BNC2: variants seen among roughly 807,000 people sequenced by gnomAD.
The protein encoded by BNC2 is zinc finger protein basonuclin-2.
In BNC2, 20 loss-of-function variants were observed where a neutral mutation model predicts 76.3. The observed-to-expected ratio is 0.26, with a 90% CI of 0.18 to 0.38. The LOEUF (loss-of-function observed/expected upper bound fraction) is 0.38, where lower values mean the gene tolerates loss of function less well. Among genes scored for constraint, BNC2 ranks in the 10% least tolerant of loss-of-function variants. BNC2 has a pLI of 1.00. For missense variants in BNC2, 1,382 were observed against 1,399.8 expected, an observed-to-expected ratio of 0.99 and a Z score of 0.20; for synonymous variants, 582 against 514.8, an observed-to-expected ratio of 1.13 and a Z score of -1.77.
intron 2 of BNC2, among the ~76,000 whole-genome samples, chr9:16,734,450 T>TCA (rs1229028045): frequency 1.3e-5 from 2 of 151,400 alleles, no homozygotes; most frequent in South Asian, 2.1e-4. Context: ...CACTGGCCCC[T>TCA]CTCATTATAA....
intron 5 of BNC2, chr9:16,473,156 A>G (rs1276585806): frequency 6.6e-6 from 1 of 152,284 alleles, no homozygotes; most frequent in Non-Finnish European, 1.5e-5. Flanking sequence ...CACTTGTCAC[A>G]GTGGAACCTT....
rs541979829 is a variant in BNC2 at position 16,679,086 on chromosome 9, G to A, written c.330+48711C>T. Among the ~76,000 whole-genome samples the A allele has an allele frequency of 4.6e-5, 7 of 152,172 alleles. No homozygotes were observed. The East Asian group carries it at 5.8e-4, about 13-fold the overall frequency. ...CCAAGCTGCACTATGTACACAGAGC[G>A]AGGGCACCTAATATTGCAATCACAG... is the stretch of plus-strand genomic sequence containing the variant. On this transcript the variant is annotated intron_variant, in intron 3 of 6. Coordinates refer to ENST00000380672, the MANE Select transcript of BNC2 (RefSeq NM_017637.6).
intron 3 of BNC2, among the ~76,000 whole-genome samples, chr9:16,662,370 T>A (rs1822133904): frequency 6.6e-6 from 1 of 152,186 alleles, no homozygotes. Flanking sequence ...CTAGGAGTCA[T>A]ACCTTAAAAT....
intron 4 of BNC2, among the ~76,000 whole-genome samples, chr9:16,562,416 C>A (rs923969807): frequency 1.3e-5 from 2 of 152,144 alleles, no homozygotes; most frequent in African/African-American, 4.8e-5. Flanking sequence ...TTTCCTGTCC[C>A]TACAAAATTT....
intron 3 of BNC2, among the ~76,000 whole-genome samples, chr9:16,605,781 A>ATTT (rs1169284673): frequency 1.5e-5 from 2 of 135,524 alleles, no homozygotes; most frequent in African/African-American, 6.0e-5. Context: ...CCTTTCAAGA[A>ATTT]TTCTTTTTTT....
At chr9:16,829,834 A>G (rs1317190520) in intron 1 of BNC2, among the ~76,000 whole-genome samples, 1 of 152,236 alleles carries the variant, frequency 6.6e-6, no homozygotes, top group Non-Finnish European at 1.5e-5. Context: ...AGAAAAATAA[A>G]TAGGAAGTTT....
chr9:16,475,314 G>A (rs1006156012), intron 5 of BNC2, among the ~76,000 whole-genome samples: 4 of 151,980 alleles, frequency 2.6e-5, no homozygotes, highest in South Asian at 2.1e-4. Flanking sequence ...CCCTAAACAT[G>A]GCTATGTTTT....
intron 3 of BNC2, among the ~76,000 whole-genome samples, chr9:16,639,536 A>G (rs974097095): frequency 6.6e-6 from 1 of 152,106 alleles, no homozygotes; most frequent in East Asian, 1.9e-4. Flanking sequence ...GTTAATTCTC[A>G]TATCAAATTT....
In BNC2 at chr9:16,416,008, A is replaced by G. The variant is rs560669681; in HGVS notation, c.*2981T>C. The G allele has an allele frequency of 1.3e-5, 2 of 152,258 alleles. No individual in the cohort carries two copies. Among genetic ancestry groups the G allele is most frequent in the South Asian group, 4.1e-4 (2 of 4,820 alleles). The allele number at this position is 152,258 out of a possible 1,614,324, so 9.4% of individuals were successfully genotyped here. The stretch of plus-strand genomic sequence containing the variant: ...ACTTCTAGAATCTCATTACTTCTGG[A>G]CTTTTTCTAACTGGCTATACACATT... On this transcript the variant is annotated 3_prime_UTR_variant, in exon 7 of 7. Transcript: ENST00000380672.
intron 1 of BNC2, among the ~76,000 whole-genome samples, chr9:16,862,177 A>G (rs1056238390): frequency 5.9e-5 from 9 of 152,214 alleles, no homozygotes; most frequent in African/African-American, 2.2e-4. Context: ...CATATACCCA[A>G]GAGAAATGAA....
chr9:16,589,392 C>T (rs1055820475), intron 3 of BNC2, among the ~76,000 whole-genome samples: 2 of 151,880 alleles, frequency 1.3e-5, no homozygotes, highest in African/African-American at 4.8e-5. Context: ...CACCATGTTG[C>T]CCAGACTGGT....
intron 3 of BNC2, among the ~76,000 whole-genome samples, chr9:16,665,856 T>C (rs1409463466): frequency 6.6e-6 from 1 of 152,166 alleles, no homozygotes; most frequent in Non-Finnish European, 1.5e-5. Flanking sequence ...TTCCTACCTG[T>C]TGAACCTCTC....
At chr9:16,713,525 G>C (rs973440260) in intron 3 of BNC2, among the ~76,000 whole-genome samples, 1 of 150,200 alleles carries the variant, frequency 6.7e-6, no homozygotes, top group African/African-American at 2.5e-5. Flanking sequence ...TATTCTCTTA[G>C]GGATGTGCAG....
chr9:16,833,636 T>C (rs999376179), intron 1 of BNC2, among the ~76,000 whole-genome samples: 1 of 152,170 alleles, frequency 6.6e-6, no homozygotes, highest in African/African-American at 2.4e-5. Context: ...GAATTGCTGG[T>C]TATTTGGCCA....
chr9:16,536,900 C>T (rs1818146598), intron 5 of BNC2, among the ~76,000 whole-genome samples: 1 of 152,092 alleles, frequency 6.6e-6, no homozygotes, highest in African/African-American at 2.4e-5. Context: ...CTGTATGCTC[C>T]TCAAGGTTAG....
intron 6 of BNC2, among the ~76,000 whole-genome samples, chr9:16,425,661 G>A (rs536286391): frequency 6.6e-6 from 1 of 152,190 alleles, no homozygotes; most frequent in Non-Finnish European, 1.5e-5. Context: ...AAGCCAAACA[G>A]ATGGTTTGTT....
intron 3 of BNC2, among the ~76,000 whole-genome samples, chr9:16,725,080 T>C (rs986146755): frequency 3.3e-5 from 5 of 152,136 alleles, no homozygotes; most frequent in African/African-American, 1.2e-4. Flanking sequence ...TGTACAGAAT[T>C]CTACATATTT....
rs776133807 is a variant in BNC2, at chr9:16,436,213, T to C, written c.1981A>G (p.Asn661Asp). Residue 661 changes from asparagine to aspartate, a missense_variant, in exon 6 of 7, where the codon AAT becomes GAT. By Grantham distance (23) the Asn-to-Asp change is conservative. Around this residue, in one of 3 missense-constraint regions of BNC2, gnomAD observed 798 missense variants for 775.5 expected, o/e 1.03. Transcript: ENST00000380672. Reference sequence around the variant, plus strand: ...TCATTGACCACAGCTCCACCATCATTGGGGTCATCATCTTCATCATCAAAC... The same window carrying C: ...TCATTGACCACAGCTCCACCATCATCGGGGTCATCATCTTCATCATCAAAC... ...DEFDDEDDDP[N>D]DGGAVVNDMS... 1 of 1,614,114 alleles carries C rather than the reference T, an allele frequency of 6.2e-7. No individual in the cohort carries two copies.
intron 1 of BNC2, among the ~76,000 whole-genome samples, chr9:16,817,527 C>T (rs778526694): frequency 6.6e-6 from 1 of 151,924 alleles, no homozygotes; most frequent in Non-Finnish European, 1.5e-5. Context: ...TTTCTTCATT[C>T]AAAAAATAAA....
Sources: gnomAD v4.1 joint callset for allele counts (sites outside exome capture counted in the v4.1 genomes callset) on GRCh38, gnomAD v4.1.1 for gene constraint, gnomAD v4.1.1 regional missense constraint, MANE v1.5 for transcripts, NCBI Gene and HGNC (gene_info 2026-07-23, HGNC 2026-07-21) for gene names.